MTPAP: variants seen among roughly 807,000 people sequenced by gnomAD.
MTPAP encodes mitochondrial poly(A) polymerase, also known as poly(A) RNA polymerase, mitochondrial.
Under a neutral mutation model 48.7 loss-of-function variants are expected in MTPAP, and 23 were observed. That is an observed-to-expected ratio of 0.47 (90% CI 0.34 to 0.67). The LOEUF (loss-of-function observed/expected upper bound fraction) is 0.67. Among genes scored for constraint, MTPAP ranks in the 30% least tolerant of loss-of-function variants. MTPAP has a pLI of 0.01. For synonymous variants in MTPAP, 257 were observed against 254.1 expected (o/e 1.01, Z -0.11); for missense variants, 614 against 694.3 (o/e 0.88, Z 1.30).
At chr10:30,319,494 C>T (rs1259734305) in intron 6 of MTPAP, among the ~76,000 whole-genome samples, 1 of 152,118 alleles carries the variant, frequency 6.6e-6, no homozygotes, top group Non-Finnish European at 1.5e-5. Context: ...ACACCAAGTA[C>T]TCAATATGGT....
intron 5 of MTPAP, among the ~76,000 whole-genome samples, chr10:30,325,008 A>C (rs1461509232): frequency 6.6e-6 from 1 of 152,058 alleles, no homozygotes; most frequent in African/African-American, 2.4e-5. Context: ...AAAAAAGAAA[A>C]AGAAAAAGAA....
intron 6 of MTPAP, among the ~76,000 whole-genome samples, chr10:30,318,206 C>T (rs927811103): frequency 6.6e-6 from 1 of 152,060 alleles, no homozygotes; most frequent in African/African-American, 2.4e-5. Flanking sequence ...GATAAATAAG[C>T]CTCCTATAAA....
chr10:30,320,879 G>A (rs1418900920), intron 6 of MTPAP, among the ~76,000 whole-genome samples: 7 of 152,182 alleles, frequency 4.6e-5, no homozygotes, highest in African/African-American at 1.2e-4. Flanking sequence ...CCAAAGTTCC[G>A]TTATTTTTCC....
At chr10:30,325,094 A>G (rs189478799) in intron 5 of MTPAP, among the ~76,000 whole-genome samples, 49 of 152,302 alleles carry the variant, frequency 3.2e-4, no homozygotes, top group African/African-American at 1.1e-3. Flanking sequence ...CTAAAAATAA[A>G]TATCAAAAAG....
chr10:30,328,908 T>A (rs1834630479), intron 4 of MTPAP, among the ~76,000 whole-genome samples: 1 of 152,050 alleles, frequency 6.6e-6, no homozygotes, highest in Non-Finnish European at 1.5e-5. Context: ...GAAAAACATG[T>A]AGACAGAAAC....
intron 4 of MTPAP, among the ~76,000 whole-genome samples, chr10:30,331,887 C>T (rs115966731): frequency 0.011 from 1,642 of 152,314 alleles, 23 homozygotes; most frequent in African/African-American, 0.036. Context: ...TTTATTCATT[C>T]ATTAGCAAAT....
chr10:30,345,321 C>T (rs1834861717), intron 1 of MTPAP, among the ~76,000 whole-genome samples: 1 of 152,146 alleles, frequency 6.6e-6, no homozygotes, highest in Admixed American at 6.5e-5. Flanking sequence ...AGCCAAATCT[C>T]TATTGATAAA....
rs1840571096 is a variant in MTPAP, at chr10:30,309,881, A to G, written c.*3728T>C. 1 of 152,222 alleles carries G rather than the reference A, an allele frequency of 6.6e-6. No homozygotes were observed. The highest frequency in any genetic ancestry group is 2.1e-4 in the South Asian group (1 of 4,832). 9.4% of individuals were successfully genotyped at this position (152,222 alleles called of 1,614,324 possible). On this transcript the variant is annotated 3_prime_UTR_variant, in exon 9 of 9. Transcript: ENST00000263063. ...TGAGATAATTACACACAGTTTTCCT[A>G]TAACGTTTCAGGCTAATCGTTATTT...
chr10:30,334,382 C>T (rs940679563), intron 4 of MTPAP, among the ~76,000 whole-genome samples: 2 of 152,032 alleles, frequency 1.3e-5, no homozygotes, highest in East Asian at 3.9e-4. Context: ...TGGTTGGGGC[C>T]GGGCATGGTG....
Position 30,337,036 on chromosome 10 carries a change from C to A in MTPAP, c.556-9G>T. ...TTCAGCTGATCGTCTATCTAGCTAG[C>A]CGAAACAAAACCAACAAAATAGAGA... On this transcript the variant is annotated splice_polypyrimidine_tract_variant and intron_variant, in intron 3 of 8. Coordinates refer to ENST00000263063, the MANE Select transcript of MTPAP (RefSeq NM_018109.4). 6.2e-7 allele frequency: 1 copy of A among 1,605,176 alleles called. No individual in the cohort carries two copies. The highest frequency in any genetic ancestry group is 2.2e-5 in the East Asian group (1 of 44,840).
rs2132841370 is a variant in MTPAP, at chr10:30,313,682, T to G, written c.1676A>C (p.Glu559Ala). 1 of 1,614,190 alleles carries G rather than the reference T, an allele frequency of 6.2e-7. No homozygotes were observed. The highest frequency in any genetic ancestry group is 8.5e-7 in the Non-Finnish European group (1 of 1,179,982). Residue 559 changes from glutamate (E) to alanine (A), a missense_variant, in exon 9 of 9, where the codon GAA becomes GCA. Glu to Ala is a moderately radical substitution (Grantham distance 107). Coordinates refer to ENST00000263063, the MANE Select transcript of MTPAP (RefSeq NM_018109.4). Reference sequence around the variant, plus strand: ...TTCTGTTCTGTTACCTTTTAAAGATTCTAGCAAGTTTTTGACTGTTTCAAT... The same window carrying G: ...TTCTGTTCTGTTACCTTTTAAAGATGCTAGCAAGTTTTTGACTGTTTCAAT... ...FAIETVKNLL[E>A]SLKGNRTENF...
At chr10:30,341,348 C>A (rs757143228) in intron 2 of MTPAP, 120 bp downstream of exon 2, 135 of 1,228,538 alleles carry the variant, frequency 1.1e-4, no homozygotes, top group Non-Finnish European at 8.0e-5. Context: ...AAAGAAGATG[C>A]AGTATATCAA....
rs962356708 is a variant in MTPAP at position 30,310,436 on chromosome 10, CTT to C, written c.*3171_*3172del. 2 of 151,132 alleles carry C rather than the reference CTT, an allele frequency of 1.3e-5. No homozygotes were observed. The highest frequency in any genetic ancestry group is 4.9e-5 in the African/African-American group (2 of 41,060). 9.4% of individuals were successfully genotyped at this position (151,132 alleles called of 1,614,324 possible). A position where few individuals can be genotyped will look rare whatever the true frequency, so the allele number is the denominator to read the frequency against. ...CCCCATCTCTACTAAAAATAGAAAA[CTT>C]AGCCAGGTGTGGTGGCATGCACCTG... On this transcript the variant is annotated 3_prime_UTR_variant, in exon 9 of 9. Coordinates refer to ENST00000263063, the MANE Select transcript of MTPAP (RefSeq NM_018109.4).
intron 1 of MTPAP, 23 bp from the exon 2 acceptor site, chr10:30,341,663 T>G: frequency 6.2e-7 from 1 of 1,613,070 alleles, no homozygotes; most frequent in African/African-American, 1.3e-5. Flanking sequence ...CAAAAACATT[T>G]CCACCACACG....
At position 30,316,232 on chromosome 10, in the gene MTPAP, T is replaced by C. The variant is rs377022261; in HGVS notation, c.1220-22A>G. ...GCATCTTAAACACAAACAAAAAATA[T>C]TTCACGTGTTTTTTTTTTTTCTTTG... On this transcript the variant is annotated intron_variant, in intron 6 of 8. Coordinates refer to ENST00000263063, the MANE Select transcript of MTPAP (RefSeq NM_018109.4). The C allele has an allele frequency of 4.4e-6, 7 of 1,587,980 alleles. No individual in the cohort carries two copies. In the African/African-American group the frequency reaches 8.1e-5, roughly 18 times the overall value.
chr10:30,318,593 T>C (rs1176138606), intron 6 of MTPAP, among the ~76,000 whole-genome samples: 4 of 152,094 alleles, frequency 2.6e-5, no homozygotes, highest in Non-Finnish European at 5.9e-5. Context: ...CCAGAAAGCA[T>C]GGAAAACACA....
chr10:30,326,262 G>A (rs1047355501), intron 5 of MTPAP, among the ~76,000 whole-genome samples, 162 bp downstream of exon 5: 1 of 152,078 alleles, frequency 6.6e-6, no homozygotes, highest in African/African-American at 2.4e-5. Flanking sequence ...CAGGTATAAC[G>A]TAAGAGAAAA....
intron 5 of MTPAP, among the ~76,000 whole-genome samples, chr10:30,325,661 G>A (rs1325582652): frequency 1.3e-5 from 2 of 152,038 alleles, no homozygotes; most frequent in Non-Finnish European, 2.9e-5. Flanking sequence ...CACAAGAATC[G>A]CTTGAACCCA....
intron 3 of MTPAP, 119 bp from the exon 4 acceptor site, chr10:30,337,146 C>T: frequency 2.2e-6 from 2 of 890,310 alleles, no homozygotes; most frequent in Admixed American, 2.0e-5. Context: ...TATGCAAAGC[C>T]TGGCGCAGTG....
Sources: allele counts gnomAD v4.1 joint callset (sites outside exome capture counted in the v4.1 genomes callset), GRCh38; gene constraint gnomAD v4.1.1; transcripts MANE v1.5; gene names NCBI Gene and HGNC (gene_info 2026-07-23, HGNC 2026-07-21).